TFCP2: variants seen among roughly 807,000 people sequenced by gnomAD.
TFCP2 encodes the protein transcription factor CP2, also known as alpha-globin transcription factor CP2.
Under a neutral mutation model 73.4 loss-of-function variants are expected in TFCP2, and 33 were observed. The ratio of observed to expected loss-of-function variants is 0.45; its 90% CI spans 0.34 to 0.60. The LOEUF (loss-of-function observed/expected upper bound fraction) is 0.60. Ranked by LOEUF, TFCP2 falls within the 20% of genes least tolerant of loss-of-function variation. TFCP2 has a pLI of 0.01. For synonymous variants in TFCP2, 193 were observed against 211.6 expected (o/e 0.91, Z 0.76); for missense variants, 352 against 604.0 (o/e 0.58, Z 4.37).
chr12:51,099,655 C>T lies in TFCP2; in HGVS notation c.1276G>A (p.Val426Ile). Residue 426 changes from valine to isoleucine, a missense_variant and splice_region_variant, in exon 12 of 15, where the codon GTT (valine) becomes ATT (isoleucine). Physicochemically the swap from Val to Ile is conservative, Grantham distance 29 (BLOSUM62 3). This residue lies in a region of TFCP2 where 194 missense variants were observed against 256.3 expected (regional missense o/e 0.76). Coordinates refer to ENST00000257915, the MANE Select transcript of TFCP2 (RefSeq NM_005653.5). ...EDGDSNGTFF[V>I]YHAIYLEELT... ...TCCTAGTGTGTCCAGAACAACCTAC[C>T]GAAGAAAGTACCATTTGAGTCTCCA... is the stretch of plus-strand genomic sequence containing the variant. 1 of 1,614,086 alleles carries T rather than the reference C, an allele frequency of 6.2e-7. No homozygotes were observed. The highest frequency in any genetic ancestry group is 8.5e-7 in the Non-Finnish European group (1 of 1,180,014).
intron 1 of TFCP2, among the ~76,000 whole-genome samples, chr12:51,161,975 A>T (rs772654033): frequency 6.6e-6 from 1 of 151,874 alleles, no homozygotes; most frequent in Non-Finnish European, 1.5e-5. Flanking sequence ...AAAATATTTT[A>T]AAAATATAAA....
intron 10 of TFCP2, among the ~76,000 whole-genome samples, chr12:51,103,399 G>A (rs1275638733): frequency 4.6e-5 from 7 of 152,150 alleles, no homozygotes; most frequent in Non-Finnish European, 7.4e-5. Context: ...AAAACTCTAC[G>A]AAATATACAT....
chr12:51,164,814 T>A (rs1241324322), intron 1 of TFCP2, among the ~76,000 whole-genome samples: 2 of 151,718 alleles, frequency 1.3e-5, no homozygotes, highest in Non-Finnish European at 2.9e-5. Flanking sequence ...AACATTAAAG[T>A]ACCAAAACTG....
At chr12:51,120,266 G>A (rs1264613467) in intron 1 of TFCP2, among the ~76,000 whole-genome samples, 1 of 151,270 alleles carries the variant, frequency 6.6e-6, no homozygotes, top group Non-Finnish European at 1.5e-5. Context: ...GTAAGAGAAC[G>A]GATGTACAAA....
chr12:51,151,505 C>T (rs1398504680), intron 1 of TFCP2, among the ~76,000 whole-genome samples: 1 of 151,910 alleles, frequency 6.6e-6, no homozygotes, highest in Non-Finnish European at 1.5e-5. Context: ...GGCGCGATCT[C>T]GGCTCACTGC....
chr12:51,162,492 C>G (rs1389673474), intron 1 of TFCP2, among the ~76,000 whole-genome samples: 1 of 151,798 alleles, frequency 6.6e-6, no homozygotes, highest in African/African-American at 2.4e-5. Flanking sequence ...ATGGGGCCTA[C>G]TGGGGTACCA....
intron 1 of TFCP2, among the ~76,000 whole-genome samples, chr12:51,156,153 T>C (rs1941533277): frequency 6.6e-6 from 1 of 152,144 alleles, no homozygotes; most frequent in Non-Finnish European, 1.5e-5. Flanking sequence ...TTTGCATTGC[T>C]ATAAAGGAAT....
At chr12:51,153,724 G>C (rs1046837088) in intron 1 of TFCP2, among the ~76,000 whole-genome samples, 13 of 152,118 alleles carry the variant, frequency 8.5e-5, no homozygotes, top group Non-Finnish European at 8.8e-5. Flanking sequence ...TTACACATCA[G>C]AATCTCCTTC....
intron 1 of TFCP2, among the ~76,000 whole-genome samples, chr12:51,120,329 G>A (rs1940632407): frequency 6.6e-6 from 1 of 151,944 alleles, no homozygotes; most frequent in East Asian, 1.9e-4. Context: ...AATGCAACAC[G>A]GATGAATCTC....
At chr12:51,168,818 T>C (rs1211712747) in intron 1 of TFCP2, among the ~76,000 whole-genome samples, 1 of 152,022 alleles carries the variant, frequency 6.6e-6, no homozygotes. Context: ...CATTTTTTTT[T>C]TGAGATGCAG....
intron 4 of TFCP2, among the ~76,000 whole-genome samples, chr12:51,115,520 CA>C (rs1940514395): frequency 1.3e-5 from 2 of 152,156 alleles, no homozygotes; most frequent in South Asian, 2.1e-4. Context: ...ATAGAGTTAC[CA>C]TATGACCCAG....
At chr12:51,116,218 C>T (rs1394493862) in intron 4 of TFCP2, 97 bp downstream of exon 4, 1 of 540,896 alleles carries the variant, frequency 1.8e-6, no homozygotes, top group African/African-American at 1.9e-5. Context: ...AATTGAGCCT[C>T]TCAAGCATAT....
chr12:51,165,915 G>A (rs535351225), intron 1 of TFCP2, among the ~76,000 whole-genome samples: 1 of 152,316 alleles, frequency 6.6e-6, no homozygotes, highest in Admixed American at 6.5e-5. Context: ...TCAGGAGGCT[G>A]AGGCAGGACT....
intron 1 of TFCP2, among the ~76,000 whole-genome samples, chr12:51,129,514 CAAAAAAAAA>C (rs5798159): frequency 1.6e-5 from 2 of 126,214 alleles, no homozygotes; most frequent in East Asian, 2.4e-4. Flanking sequence ...GACCCCGTCT[CAAAAAAAAA>C]AAAAAAAAAA....
At chr12:51,099,617 T>C (rs1381445013) in intron 12 of TFCP2, 38 bp downstream of exon 12, 1 of 1,604,946 alleles carries the variant, frequency 6.2e-7, no homozygotes. Flanking sequence ...CTCTTCACCT[T>C]TCTTCATATC....
intron 2 of TFCP2, among the ~76,000 whole-genome samples, chr12:51,117,999 T>C (rs1369654961): frequency 6.6e-6 from 1 of 152,024 alleles, no homozygotes; most frequent in East Asian, 1.9e-4. Flanking sequence ...CTTAAAAGAG[T>C]TTTAGCAACT....
chr12:51,164,974 A>G (rs1941723805), intron 1 of TFCP2, among the ~76,000 whole-genome samples: 2 of 152,138 alleles, frequency 1.3e-5, no homozygotes, highest in African/African-American at 2.4e-5. Context: ...TCCTACTCGA[A>G]CTCCTTCAAA....
intron 1 of TFCP2, among the ~76,000 whole-genome samples, chr12:51,137,166 G>A (rs909386844): frequency 2.0e-5 from 3 of 152,074 alleles, no homozygotes; most frequent in African/African-American, 4.8e-5. Context: ...GATCACTTGC[G>A]AGATACCAGA....
intron 1 of TFCP2, among the ~76,000 whole-genome samples, chr12:51,138,217 C>T (rs1413190167): frequency 6.6e-6 from 1 of 152,170 alleles, no homozygotes; most frequent in African/African-American, 2.4e-5. Context: ...TCTCGGCTCA[C>T]TACAACCTAC....
Sources: gnomAD v4.1 joint callset for allele counts (sites outside exome capture counted in the v4.1 genomes callset) on GRCh38, gnomAD v4.1.1 for gene constraint, gnomAD v4.1.1 regional missense constraint, MANE v1.5 for transcripts, NCBI Gene and HGNC (gene_info 2026-07-23, HGNC 2026-07-21) for gene names.